GPR149: variants seen among roughly 807,000 people sequenced by gnomAD.
GPR149 encodes the protein probable G protein-coupled receptor 149.
GPR149 carries 50 observed loss-of-function variants against 50.2 expected under a neutral mutation model. That is an observed-to-expected ratio of 1.00 (90% CI 0.79 to 1.26). The LOEUF (loss-of-function observed/expected upper bound fraction) is 1.26, where lower values mean the gene tolerates loss of function less well. Ranked by LOEUF, GPR149 falls within the 50% of genes most tolerant of loss-of-function variation. The pLI, the probability that GPR149 is intolerant of heterozygous loss-of-function variation, is 0.00. For missense variants in GPR149, 983 were observed against 895.4 expected, an observed-to-expected ratio of 1.10 and a Z score of -1.25; for synonymous variants, 405 against 358.2, an observed-to-expected ratio of 1.13 and a Z score of -1.48.
At chr3:154,416,325 T>C (rs1711986297) in intron 3 of GPR149, among the ~76,000 whole-genome samples, 1 of 151,904 alleles carries the variant, frequency 6.6e-6, no homozygotes, top group Non-Finnish European at 1.5e-5. Context: ...ATTTTGATTA[T>C]AGGTCTGAGG....
intron 3 of GPR149, among the ~76,000 whole-genome samples, chr3:154,391,741 T>C (rs1022609619): frequency 4.0e-5 from 6 of 151,802 alleles, no homozygotes; most frequent in Non-Finnish European, 8.8e-5. Flanking sequence ...TTATTAAGTT[T>C]ACATAACTTA....
At chr3:154,377,990 A>G (rs879799676) in intron 3 of GPR149, among the ~76,000 whole-genome samples, 5 of 151,702 alleles carry the variant, frequency 3.3e-5, no homozygotes, top group African/African-American at 7.3e-5. Flanking sequence ...CTTACTTTGC[A>G]TACTGTTTTT....
chr3:154,383,160 A>G (rs1022459522), intron 3 of GPR149, among the ~76,000 whole-genome samples: 1 of 152,162 alleles, frequency 6.6e-6, no homozygotes, highest in Non-Finnish European at 1.5e-5. Flanking sequence ...CTAAAACTCA[A>G]ATTGCTCTGA....
At chr3:154,352,364 A>G (rs1374708294) in intron 3 of GPR149, 4 of 1,116,144 alleles carry the variant, frequency 3.6e-6, no homozygotes, top group Non-Finnish European at 5.3e-6. Flanking sequence ...CTTCAATTTC[A>G]GGTAATTTGG....
chr3:154,420,986 T>G (rs76232316), intron 3 of GPR149, 53 bp downstream of exon 3: 17 of 1,274,110 alleles, frequency 1.3e-5, no homozygotes, highest in Non-Finnish European at 1.7e-5. Flanking sequence ...TTTTCATGAC[T>G]ATCATATTTA....
intron 3 of GPR149, among the ~76,000 whole-genome samples, chr3:154,402,374 C>T (rs1419102364): frequency 6.6e-6 from 1 of 151,130 alleles, no homozygotes; most frequent in Non-Finnish European, 1.5e-5. Context: ...TATGATCATA[C>T]CACTGCACTC....
At chr3:154,407,067 A>G (rs1469254408) in intron 3 of GPR149, among the ~76,000 whole-genome samples, 33 of 152,094 alleles carry the variant, frequency 2.2e-4, no homozygotes, top group Non-Finnish European at 1.5e-5. Flanking sequence ...TCTCTACCAC[A>G]AGAAGAGTAT....
At chr3:154,367,537 G>A (rs57812817) in intron 3 of GPR149, among the ~76,000 whole-genome samples, 1,725 of 152,262 alleles carry the variant, frequency 0.011, 31 homozygotes, top group African/African-American at 0.04. Context: ...TCTGAGACAT[G>A]TTAATTGTCT....
At chr3:154,395,042 A>C (rs540188531) in intron 3 of GPR149, among the ~76,000 whole-genome samples, 8 of 152,282 alleles carry the variant, frequency 5.3e-5, no homozygotes, top group Non-Finnish European at 1.2e-4. Context: ...GTCTTAAATC[A>C]GCAAGTCTAT....
chr3:154,412,178 A>G (rs769594681), intron 3 of GPR149, among the ~76,000 whole-genome samples: 15 of 152,114 alleles, frequency 9.9e-5, no homozygotes, highest in Non-Finnish European at 1.9e-4. Context: ...CCTCAGCAAA[A>G]TCAGCATAGA....
At position 154,429,573 on chromosome 3, in the gene GPR149, G is replaced by C. The variant is rs375660692; in HGVS notation, c.43C>G (p.Leu15Val). The C allele has an allele frequency of 1.2e-6, 2 of 1,613,198 alleles. No homozygotes were observed. Among genetic ancestry groups the C allele is most frequent in the African/African-American group, 2.7e-5 (2 of 74,888 alleles). ...GTAGAATTATGATTCTCTTTCCACA[G>C]GCTAGAGTCATTTGTTGATAAGTTA... ...LSNLSTNDSS[L>V]WKENHNSTDL... Residue 15 changes from leucine to valine, a missense_variant, in exon 1 of 4, where the codon CTG (leucine) becomes GTG (valine). Leu to Val is a conservative substitution (Grantham distance 32). Coordinates refer to ENST00000389740, the MANE Select transcript of GPR149 (RefSeq NM_001038705.3).
intron 3 of GPR149, among the ~76,000 whole-genome samples, chr3:154,399,553 T>C (rs1319123578): frequency 1.3e-5 from 2 of 152,210 alleles, no homozygotes; most frequent in African/African-American, 4.8e-5. Flanking sequence ...ACTTTGAACC[T>C]AGAGTTCCAG....
intron 3 of GPR149, chr3:154,352,324 G>A: frequency 1.0e-6 from 1 of 1,003,148 alleles, no homozygotes; most frequent in South Asian, 1.5e-5. Flanking sequence ...CTCCGTTGGG[G>A]ATTAGAAGAC....
At position 154,429,131 on chromosome 3, in the gene GPR149, A is replaced by C. The variant is rs1459792809; in HGVS notation, c.485T>G (p.Leu162Arg). 1 of 1,613,648 alleles carries C rather than the reference A, an allele frequency of 6.2e-7. No homozygotes were observed. The highest frequency in any genetic ancestry group is 8.5e-7 in the Non-Finnish European group (1 of 1,179,920). Residue 162 changes from leucine (L) to arginine (R), a missense_variant, in exon 1 of 4, where the codon CTG becomes CGG. Transcript: ENST00000389740. ...GCACAGCGGGAGCGCCGAGAGCAGC[A>C]GACTGGCTGCCCACACGGTCAGCAC... ...GVVLTVWAASLLLSALPLCGW... is the reference protein window; with the variant it reads ...GVVLTVWAASRLLSALPLCGW...
intron 3 of GPR149, among the ~76,000 whole-genome samples, chr3:154,412,262 TA>T (rs139551058): frequency 0.015 from 2,322 of 151,936 alleles, 60 homozygotes; most frequent in African/African-American, 0.054. Context: ...CAGGGAAAAG[TA>T]AAAAGCATAC....
At chr3:154,355,396 C>T (rs746251111) in intron 3 of GPR149, among the ~76,000 whole-genome samples, 18 of 152,072 alleles carry the variant, frequency 1.2e-4, no homozygotes, top group Non-Finnish European at 2.5e-4. Context: ...TGTGTGAATC[C>T]GTGTGTACAA....
chr3:154,380,911 A>G (rs1714908385), intron 3 of GPR149, among the ~76,000 whole-genome samples: 2 of 152,158 alleles, frequency 1.3e-5, no homozygotes, highest in African/African-American at 4.8e-5. Flanking sequence ...TAGCTATTTT[A>G]TTTTTTGAAT....
At chr3:154,420,941 G>T in intron 3 of GPR149, 98 bp downstream of exon 3, 1 of 840,100 alleles carries the variant, frequency 1.2e-6, no homozygotes, top group Non-Finnish European at 1.8e-6. Flanking sequence ...AGTTAATGTT[G>T]GGCTTGATTG....
intron 3 of GPR149, among the ~76,000 whole-genome samples, chr3:154,387,951 C>T (rs1298494621): frequency 1.3e-5 from 2 of 152,032 alleles, no homozygotes; most frequent in Non-Finnish European, 2.9e-5. Flanking sequence ...AAAAACAAGT[C>T]TAAGCATAGC....
Sources: gnomAD v4.1 joint callset for allele counts (sites outside exome capture counted in the v4.1 genomes callset) on GRCh38, gnomAD v4.1.1 for gene constraint, MANE v1.5 for transcripts, NCBI Gene and HGNC (gene_info 2026-07-23, HGNC 2026-07-21) for gene names.